BLTP3B: variants seen among roughly 807,000 people sequenced by gnomAD.
BLTP3B encodes bridge-like lipid transfer protein family member 3B.
the BLTP3B span, chr12:100,102,749 T>C: frequency 2.0e-6 from 3 of 1,536,820 alleles, no homozygotes; most frequent in Non-Finnish European, 2.7e-6. Flanking sequence ...TCATGCAGAT[T>C]AATGGAAGTA....
chr12:100,098,137 A>G, the BLTP3B span, among the ~76,000 whole-genome samples: 2 of 152,018 alleles, frequency 1.3e-5, no homozygotes, highest in Admixed American at 1.3e-4. Flanking sequence ...GGATCACCTG[A>G]GCCCAGGGAG....
the BLTP3B span, among the ~76,000 whole-genome samples, chr12:100,049,004 G>C: frequency 2.6e-5 from 4 of 151,976 alleles, no homozygotes; most frequent in Admixed American, 6.6e-5. Flanking sequence ...TAACCATTTT[G>C]CTTATTTGTT....
the BLTP3B span, chr12:100,039,555 T>C: frequency 1.9e-6 from 3 of 1,543,822 alleles, no homozygotes; most frequent in Middle Eastern, 1.7e-4. Context: ...TACCTAGTTA[T>C]TTAATTGCTG....
the BLTP3B span, chr12:100,142,474 A>T: frequency 6.9e-5 from 75 of 1,090,598 alleles, no homozygotes; most frequent in South Asian, 1.0e-3. Flanking sequence ...AGAGCGGGGA[A>T]GTCCGAAGGT....
chr12:100,094,456 C>T, the BLTP3B span, among the ~76,000 whole-genome samples: 1 of 152,166 alleles, frequency 6.6e-6, no homozygotes, highest in Non-Finnish European at 1.5e-5. Context: ...TCTCTGAGGT[C>T]CTTCAGGCCA....
chr12:100,044,931 C>T, the BLTP3B span, among the ~76,000 whole-genome samples: 1 of 151,796 alleles, frequency 6.6e-6, no homozygotes, highest in Non-Finnish European at 1.5e-5. Context: ...GTGCAAAAAT[C>T]ACAAGCATTC....
chr12:100,060,121 T>G, the BLTP3B span: 1 of 1,131,596 alleles, frequency 8.8e-7, no homozygotes, highest in Non-Finnish European at 1.2e-6. Flanking sequence ...AATACATGTT[T>G]AGTCAGTTTT....
the BLTP3B span, among the ~76,000 whole-genome samples, chr12:100,076,087 G>A: frequency 6.6e-6 from 1 of 150,882 alleles, no homozygotes; most frequent in Non-Finnish European, 1.5e-5. Flanking sequence ...ACCTGCACAT[G>A]TACCCTGAGT....
the BLTP3B span, chr12:100,047,881 C>T: frequency 7.6e-7 from 1 of 1,310,782 alleles, no homozygotes. Context: ...CATTCTTAGA[C>T]ATGAATGAAA....
the BLTP3B span, among the ~76,000 whole-genome samples, chr12:100,072,101 AAC>A: frequency 6.6e-6 from 1 of 152,160 alleles, no homozygotes; most frequent in Non-Finnish European, 1.5e-5. Context: ...TCTCTAGTAA[AAC>A]ACAGAAAAAT....
the BLTP3B span, chr12:100,086,479 C>T: frequency 5.5e-4 from 332 of 607,570 alleles, no homozygotes; most frequent in African/African-American, 4.9e-3. Context: ...TCTTTTATGA[C>T]GGCACATTAA....
At chr12:100,119,033 C>T in the BLTP3B span, among the ~76,000 whole-genome samples, 1 of 151,934 alleles carries the variant, frequency 6.6e-6, no homozygotes, top group African/African-American at 2.4e-5. Flanking sequence ...ACTCAGGAGG[C>T]GGAGGTTGCA....
the BLTP3B span, among the ~76,000 whole-genome samples, chr12:100,123,988 G>T: frequency 6.6e-6 from 1 of 152,148 alleles, no homozygotes; most frequent in African/African-American, 2.4e-5. Flanking sequence ...AATAGGATAG[G>T]CATTGTGGCT....
chr12:100,059,390 G>C, the BLTP3B span: 2 of 1,613,872 alleles, frequency 1.2e-6, no homozygotes, highest in Non-Finnish European at 1.7e-6. Context: ...AATCTTTAAA[G>C]TCTTGAAACA....
At chr12:100,131,310 C>CA in the BLTP3B span, among the ~76,000 whole-genome samples, 1,742 of 105,824 alleles carry the variant, frequency 0.016, 15 homozygotes, top group East Asian at 0.055. Context: ...GACCCTGTCT[C>CA]AAAAAAAAAA....
At chr12:100,121,354 GAAAAAAAA>G in the BLTP3B span, among the ~76,000 whole-genome samples, 5 of 97,132 alleles carry the variant, frequency 5.1e-5, no homozygotes, top group Non-Finnish European at 8.6e-5. Context: ...CCATCTCATG[GAAAAAAAA>G]AAAAAAAAAA....
At chr12:100,057,899 C>A in the BLTP3B span, 1 of 1,291,564 alleles carries the variant, frequency 7.7e-7, no homozygotes, top group Non-Finnish European at 1.0e-6. Context: ...TTTGAAACAT[C>A]TACTCTTCTA....
At chr12:100,124,606 G>T in the BLTP3B span, among the ~76,000 whole-genome samples, 4 of 151,154 alleles carry the variant, frequency 2.6e-5, no homozygotes, top group Non-Finnish European at 5.9e-5. Flanking sequence ...TTAGCTGGGC[G>T]TGATGGCACG....
At chr12:100,052,258 G>T in the BLTP3B span, among the ~76,000 whole-genome samples, 415 of 152,058 alleles carry the variant, frequency 2.7e-3, 1 homozygote, top group African/African-American at 9.6e-3. Flanking sequence ...AGCCAGGGTG[G>T]TCTCGAACTC....
Sources: gnomAD v4.1 joint callset for allele counts (sites outside exome capture counted in the v4.1 genomes callset) on GRCh38, gnomAD v4.1.1 for gene constraint, MANE v1.5 for transcripts, NCBI Gene and HGNC (gene_info 2026-07-23, HGNC 2026-07-21) for gene names.